FAM135B: variants seen among roughly 807,000 people sequenced by gnomAD.
FAM135B encodes protein FAM135B.
In FAM135B, 43 loss-of-function variants were observed where a neutral mutation model predicts 127.7. That is an observed-to-expected ratio of 0.34 (90% CI 0.26 to 0.43). The LOEUF is 0.43. Ranked by LOEUF, FAM135B falls within the 20% of genes least tolerant of loss-of-function variation. The pLI is 1.00. For synonymous variants in FAM135B, 670 were observed against 665.1 expected (o/e 1.01, Z -0.11); for missense variants, 1,558 against 1,725.6 (o/e 0.90, Z 1.72).
intron 5 of FAM135B, among the ~76,000 whole-genome samples, chr8:138,254,097 G>A (rs73716656): frequency 0.019 from 2,929 of 152,244 alleles, 72 homozygotes; most frequent in African/African-American, 0.063. Flanking sequence ...ATCAGATTGC[G>A]TACTTGGCCT....
intron 1 of FAM135B, among the ~76,000 whole-genome samples, chr8:138,374,810 G>C (rs1470229587): frequency 6.6e-6 from 1 of 152,158 alleles, no homozygotes; most frequent in Non-Finnish European, 1.5e-5. Flanking sequence ...AGGGTTCTGA[G>C]GATGCACAGT....
At chr8:138,387,961 A>C (rs1019745649) in intron 1 of FAM135B, among the ~76,000 whole-genome samples, 15 of 152,194 alleles carry the variant, frequency 9.9e-5, no homozygotes, top group Admixed American at 5.9e-4. Flanking sequence ...AATAAAATTA[A>C]AGTTCTCCTA....
chr8:138,316,313 T>C (rs1563890610), intron 2 of FAM135B, among the ~76,000 whole-genome samples: 1 of 151,536 alleles, frequency 6.6e-6, no homozygotes, highest in Non-Finnish European at 1.5e-5. Context: ...GAGACCATGG[T>C]GAAACCCCGT....
At chr8:138,354,449 CTGGCTTGTGAA>C (rs1307724060) in intron 2 of FAM135B, among the ~76,000 whole-genome samples, 1 of 152,202 alleles carries the variant, frequency 6.6e-6, no homozygotes. Flanking sequence ...CAGTCTTTAT[CTGGCTTGTGAA>C]TGCCCTCTCT....
chr8:138,266,090 C>T (rs77077705), intron 3 of FAM135B, among the ~76,000 whole-genome samples: 24,978 of 152,062 alleles, frequency 0.16, 2,320 homozygotes, highest in East Asian at 0.28. Context: ...TCACTCATGC[C>T]GTGGGCAATG....
intron 7 of FAM135B, among the ~76,000 whole-genome samples, chr8:138,226,712 C>T (rs1420248600): frequency 6.6e-6 from 1 of 152,176 alleles, no homozygotes; most frequent in Non-Finnish European, 1.5e-5. Context: ...CAGGCATGCA[C>T]CACCATGCCC....
chr8:138,228,917 A>G (rs1380316649), intron 7 of FAM135B, among the ~76,000 whole-genome samples: 5 of 152,312 alleles, frequency 3.3e-5, no homozygotes, highest in Non-Finnish European at 4.4e-5. Flanking sequence ...AGGGGTATCC[A>G]GTAAATAGGT....
chr8:138,338,247 A>G lies in FAM135B; in HGVS notation c.78-27327T>C, dbSNP rs1396236999. ...CCAAAAGCAATGGCAACAAAAGCCAAAATTGACAAATGGGTTCTAATTAAA... is the reference window on the plus strand; with the variant it reads ...CCAAAAGCAATGGCAACAAAAGCCAGAATTGACAAATGGGTTCTAATTAAA... On this transcript the variant is annotated intron_variant, in intron 2 of 19. Transcript: ENST00000395297. 5.3e-5 allele frequency among the ~76,000 whole-genome samples: 8 copies of G among 151,374 alleles called. No homozygotes were observed. The East Asian group carries it at 1.6e-3, about 29-fold the overall frequency.
intron 1 of FAM135B, among the ~76,000 whole-genome samples, chr8:138,487,159 T>C (rs1471226721): frequency 6.6e-6 from 1 of 152,176 alleles, no homozygotes; most frequent in African/African-American, 2.4e-5. Context: ...TTCATTTACA[T>C]GACCCTGTCT....
intron 1 of FAM135B, among the ~76,000 whole-genome samples, chr8:138,451,341 T>G (rs562710448): frequency 6.5e-4 from 99 of 152,288 alleles, no homozygotes; most frequent in South Asian, 1.9e-3. Context: ...TGCCGTATTG[T>G]TATTAGGGTA....
intron 2 of FAM135B, among the ~76,000 whole-genome samples, chr8:138,337,993 A>G (rs1828741080): frequency 6.6e-6 from 1 of 152,218 alleles, no homozygotes; most frequent in Non-Finnish European, 1.5e-5. Context: ...AAACTGACAA[A>G]TACAAGAAAT....
intron 11 of FAM135B, among the ~76,000 whole-genome samples, chr8:138,172,087 T>G: frequency 6.6e-6 from 1 of 152,102 alleles, no homozygotes; most frequent in East Asian, 1.9e-4. Context: ...CTGAGAAAGG[T>G]CAATTTAAAG....
intron 7 of FAM135B, among the ~76,000 whole-genome samples, chr8:138,202,243 CTGTT>C (rs1394202086): frequency 1.5e-5 from 1 of 65,224 alleles, no homozygotes; most frequent in Non-Finnish European, 2.9e-5. Flanking sequence ...GGCAAACAGT[CTGTT>C]TTTTTTTTTT....
intron 6 of FAM135B, among the ~76,000 whole-genome samples, chr8:138,244,017 C>T (rs1262520453): frequency 6.6e-6 from 1 of 152,148 alleles, no homozygotes; most frequent in Non-Finnish European, 1.5e-5. Flanking sequence ...GCTCAAGAAA[C>T]ATTTGTGGAA....
At chr8:138,297,252 C>T (rs991423357) in intron 3 of FAM135B, among the ~76,000 whole-genome samples, 1 of 152,126 alleles carries the variant, frequency 6.6e-6, no homozygotes, top group Non-Finnish European at 1.5e-5. Flanking sequence ...CAGGCAGAGC[C>T]GCTGCCGTTT....
intron 19 of FAM135B, 125 bp downstream of exon 19, chr8:138,137,022 C>T (rs1473889373): frequency 2.0e-5 from 13 of 643,238 alleles, no homozygotes; most frequent in Non-Finnish European, 1.4e-5. Flanking sequence ...TGTCCTATCA[C>T]TAAGCTAAGA....
At chr8:138,462,951 C>CT (rs1344713688) in intron 1 of FAM135B, among the ~76,000 whole-genome samples, 1 of 152,170 alleles carries the variant, frequency 6.6e-6, no homozygotes, top group African/African-American at 2.4e-5. Flanking sequence ...CAAAAATTAA[C>CT]TAACAGCAGG....
intron 15 of FAM135B, among the ~76,000 whole-genome samples, chr8:138,144,762 G>C (rs1434076266): frequency 6.6e-6 from 1 of 152,188 alleles, no homozygotes; most frequent in African/African-American, 2.4e-5. Flanking sequence ...TAAAGGTCCA[G>C]CTCTAAAGAC....
intron 7 of FAM135B, among the ~76,000 whole-genome samples, chr8:138,213,558 C>T (rs1476775896): frequency 6.8e-6 from 1 of 147,788 alleles, no homozygotes; most frequent in African/African-American, 2.5e-5. Context: ...AGACTTGGCT[C>T]TCAGATCTGG....
Sources: allele counts gnomAD v4.1 joint callset (sites outside exome capture counted in the v4.1 genomes callset), GRCh38; gene constraint gnomAD v4.1.1; transcripts MANE v1.5; gene names NCBI Gene and HGNC (gene_info 2026-07-23, HGNC 2026-07-21).